The following RHOQ variants were observed in gnomAD, a reference collection of about 807,000 sequenced individuals.
The protein encoded by RHOQ is rho-related GTP-binding protein RhoQ.
RHOQ carries 7 observed loss-of-function variants against 25.8 expected under a neutral mutation model. The ratio of observed to expected loss-of-function variants is 0.27; its 90% CI spans 0.15 to 0.51. The LOEUF (loss-of-function observed/expected upper bound fraction) is 0.51. Among genes scored for constraint, RHOQ ranks in the 20% least tolerant of loss-of-function variants. The pLI is 0.97. For missense variants in RHOQ, 165 were observed against 260.6 expected (o/e 0.63, Z 2.53); for synonymous variants, 97 against 98.6 (o/e 0.98, Z 0.10).
chr2:46,552,220 C>T lies in RHOQ; in HGVS notation c.201+8408C>T, dbSNP rs1232933953. ...AAGACTTCTGCCCCACGTGACGTTA[C>T]GGGTGTTTTGTCACTTTGTCCCTAA... On this transcript the variant is annotated intron_variant, in intron 2 of 4. Transcript: ENST00000238738. The surrounding 1 kb of genome is among the most constrained non-coding windows in gnomAD (Gnocchi z 5.0). 3.3e-5 allele frequency among the ~76,000 whole-genome samples: 5 copies of T among 152,166 alleles called. No individual in the cohort carries two copies. The highest frequency in any genetic ancestry group is 2.0e-4 in the Admixed American group (3 of 15,274).
At chr2:46,559,841 T>C (rs1345282208) in intron 2 of RHOQ, among the ~76,000 whole-genome samples, 1 of 152,144 alleles carries the variant, frequency 6.6e-6, no homozygotes, top group Non-Finnish European at 1.5e-5. Flanking sequence ...TCTTCTACTC[T>C]TCTGCCCGAG....
intron 2 of RHOQ, among the ~76,000 whole-genome samples, chr2:46,546,243 A>G (rs1668039571): frequency 6.6e-6 from 1 of 151,786 alleles, no homozygotes; most frequent in African/African-American, 2.4e-5. Flanking sequence ...TGATGTCAGC[A>G]AAGGGAGAAA....
intron 2 of RHOQ, chr2:46,560,517 C>T (rs935387842): frequency 2.2e-6 from 1 of 454,586 alleles, no homozygotes; most frequent in African/African-American, 2.0e-5. Flanking sequence ...AGTTGCTTGG[C>T]ATACAGGCTT....
intron 4 of RHOQ, among the ~76,000 whole-genome samples, chr2:46,577,736 T>C (rs1222500622): frequency 6.6e-6 from 1 of 151,766 alleles, no homozygotes; most frequent in African/African-American, 2.4e-5. Flanking sequence ...TTTTAAAATG[T>C]AGTATCAGGA....
At chr2:46,547,199 A>G (rs1037040667) in intron 2 of RHOQ, among the ~76,000 whole-genome samples, 1 of 152,210 alleles carries the variant, frequency 6.6e-6, no homozygotes, top group African/African-American at 2.4e-5. Flanking sequence ...ATGTTCACTC[A>G]TGCATGTGGG....
intron 2 of RHOQ, among the ~76,000 whole-genome samples, chr2:46,549,812 C>T (rs548894050): frequency 6.6e-6 from 1 of 152,190 alleles, no homozygotes; most frequent in African/African-American, 2.4e-5. Flanking sequence ...CTGCCCAGTG[C>T]CGGCCAGGAC....
chr2:46,580,721 T>C (rs1214476497), intron 4 of RHOQ: 2 of 404,414 alleles, frequency 4.9e-6, no homozygotes, highest in Non-Finnish European at 8.9e-6. Flanking sequence ...CCAGTAAATA[T>C]GTGGTGAGTG....
Position 46,576,477 on chromosome 2 carries a change from G to C in RHOQ, c.367-84G>C. ...CTTTTGTTTAATCTTTTTTTGGTAT[G>C]TGGGAATTAAGTGGGATTACATGCT... On this transcript the variant is annotated intron_variant, in intron 3 of 4. Transcript: ENST00000238738. This position sits in a 1 kb window ranked among gnomAD's most constrained non-coding sequence, Gnocchi z 5.1. 1 of 920,248 alleles carries C rather than the reference G, an allele frequency of 1.1e-6. No individual in the cohort carries two copies. The highest frequency in any genetic ancestry group is 1.7e-5 in the African/African-American group (1 of 59,320). 57.0% of individuals were successfully genotyped at this position (920,248 alleles called of 1,614,324 possible). A position where few individuals can be genotyped will look rare whatever the true frequency, so the allele number is the denominator to read the frequency against.
Position 46,576,415 on chromosome 2 carries a change from G to C in RHOQ, c.367-146G>C. The C allele has an allele frequency of 1.1e-6, 1 of 896,062 alleles. No individual in the cohort carries two copies. Among genetic ancestry groups the C allele is most frequent in the Admixed American group, 2.9e-5 (1 of 34,390 alleles). The allele number at this position is 896,062 out of a possible 1,614,324, so 55.5% of individuals were successfully genotyped here. A position where few individuals can be genotyped will look rare whatever the true frequency, so the allele number is the denominator to read the frequency against. On this transcript the variant is annotated intron_variant, in intron 3 of 4. Coordinates refer to ENST00000238738, the MANE Select transcript of RHOQ (RefSeq NM_012249.4). The surrounding 1 kb of genome is among the most constrained non-coding windows in gnomAD (Gnocchi z 5.1). ...ATTTTTGGAAAAAATTGTGCCAAAA[G>C]AAAGCAATTATTTTCCTGGTTTTTA...
At position 46,552,670 on chromosome 2, in the gene RHOQ, G is replaced by A. The variant is rs1668278779; in HGVS notation, c.201+8858G>A. On this transcript the variant is annotated intron_variant, in intron 2 of 4. Transcript: ENST00000238738. This position sits in a 1 kb window ranked among gnomAD's most constrained non-coding sequence, Gnocchi z 5.0. ...TCCTGCCTGGCTGCTTCCTGTGGTG[G>A]CTGGCAAGCCTAGAAGAGAACATTC... is the stretch of plus-strand genomic sequence containing the variant. Among the ~76,000 whole-genome samples the A allele has an allele frequency of 6.6e-6, 1 of 152,238 alleles. No homozygotes were observed. Among genetic ancestry groups the A allele is most frequent in the Non-Finnish European group, 1.5e-5 (1 of 68,038 alleles).
intron 2 of RHOQ, among the ~76,000 whole-genome samples, chr2:46,559,830 A>G (rs1668517213): frequency 6.6e-6 from 1 of 152,190 alleles, no homozygotes; most frequent in Non-Finnish European, 1.5e-5. Context: ...CCAGGAAAGA[A>G]TCTTCTACTC....
Position 46,580,951 on chromosome 2 carries a change from A to G in RHOQ, c.486A>G (p.Glu162=), listed in dbSNP as rs1669343096. The change falls in exon 5 of 5, where the codon GAA becomes GAG. Residue 162 remains glutamate, a synonymous_variant. Transcript: ENST00000238738. ...AGATAGGAGCATGCTGCTATGTGGA[A>G]TGTTCAGCTTTAACCCAGAAGGGAT... is the stretch of plus-strand genomic sequence containing the variant. ...AKEIGACCYV[E]CSALTQKGLK... The G allele has an allele frequency of 6.5e-7, 1 of 1,533,040 alleles. No homozygotes were observed. 95.0% of individuals were successfully genotyped at this position (1,533,040 alleles called of 1,614,324 possible). A position where few individuals can be genotyped will look rare whatever the true frequency, so the allele number is the denominator to read the frequency against.
chr2:46,549,353 G>A (rs1668168883), intron 2 of RHOQ, among the ~76,000 whole-genome samples: 1 of 152,178 alleles, frequency 6.6e-6, no homozygotes, highest in African/African-American at 2.4e-5. Context: ...GAGGCCCCAT[G>A]GAGAATTGGG....
At position 46,548,462 on chromosome 2, in the gene RHOQ, T is replaced by C. The variant is rs746528683; in HGVS notation, c.201+4650T>C. Among the ~76,000 whole-genome samples, 40 of 152,190 alleles carry C rather than the reference T, an allele frequency of 2.6e-4. No homozygotes were observed. The highest frequency in any genetic ancestry group is 5.4e-4 in the Non-Finnish European group (37 of 68,028). ...CAGGCAAGTCATCCTCACAACACCCTTCAAGGTAGACTTCTCCCAGATGAG... is the reference window on the plus strand; with the variant it reads ...CAGGCAAGTCATCCTCACAACACCCCTCAAGGTAGACTTCTCCCAGATGAG... On this transcript the variant is annotated intron_variant, in intron 2 of 4. Transcript: ENST00000238738. The surrounding 1 kb of genome is among the most constrained non-coding windows in gnomAD (Gnocchi z 5.2).
In RHOQ at chr2:46,566,335, G is replaced by A. The variant is rs57276082; in HGVS notation, c.202-9752G>A. 5.0e-3 allele frequency among the ~76,000 whole-genome samples: 765 copies of A among 152,214 alleles called. 6 individuals carry two copies. Among genetic ancestry groups the A allele is most frequent in the African/African-American group, 0.018 (736 of 41,512 alleles). On this transcript the variant is annotated intron_variant, in intron 2 of 4. Coordinates refer to ENST00000238738, the MANE Select transcript of RHOQ (RefSeq NM_012249.4). This position sits in a 1 kb window ranked among gnomAD's most constrained non-coding sequence, Gnocchi z 4.2. ...TCTGACCACCTGCTTGACATCTCAA[G>A]CTTAACACGTCCCAAACTGTCCTCT...
At chr2:46,562,596 CAT>C (rs1161057154) in intron 2 of RHOQ, among the ~76,000 whole-genome samples, 2 of 152,058 alleles carry the variant, frequency 1.3e-5, no homozygotes, top group African/African-American at 2.4e-5. Context: ...CTAGTGTAGA[CAT>C]GTGTGCATTA....
rs747846522 is a variant in RHOQ, at chr2:46,543,151, G to A, written c.105G>A (p.Pro35=). ...TGAGCTATGCCAACGACGCCTTCCC[G>A]GAGGAGTACGTGCCCACCGTCTTCG... The part of the protein sequence containing the change: ...LLMSYANDAF[P]EEYVPTVFDH... Residue 35 remains proline (P), a synonymous_variant, in exon 1 of 5, where the codon CCG becomes CCA. Coordinates refer to ENST00000238738, the MANE Select transcript of RHOQ (RefSeq NM_012249.4). The A allele has an allele frequency of 4.3e-6, 7 of 1,612,126 alleles. No homozygotes were observed. The highest frequency in any genetic ancestry group is 2.2e-5 in the East Asian group (1 of 44,712).
chr2:46,571,712 A>G (rs1572752529), intron 2 of RHOQ, among the ~76,000 whole-genome samples: 2 of 152,234 alleles, frequency 1.3e-5, no homozygotes, highest in East Asian at 3.8e-4. Flanking sequence ...AGAGGGCTAT[A>G]GTCTCAATAA....
chr2:46,543,000 G>A lies in RHOQ; in HGVS notation c.-47G>A, dbSNP rs763699415. 1.5e-5 allele frequency: 22 copies of A among 1,424,144 alleles called. No individual in the cohort carries two copies. In the South Asian group the frequency reaches 2.5e-4, roughly 16 times the overall value. 88.2% of individuals were successfully genotyped at this position (1,424,144 alleles called of 1,614,324 possible). The stretch of plus-strand genomic sequence containing the variant: ...GGGCTGGGGCTGAGCCCGGGGCCGG[G>A]GCGGGGGCTCCGGGGGGACCATGCC... On this transcript the variant is annotated 5_prime_UTR_variant, in exon 1 of 5. Coordinates refer to ENST00000238738, the MANE Select transcript of RHOQ (RefSeq NM_012249.4).
Sources: allele counts gnomAD v4.1 joint callset (sites outside exome capture counted in the v4.1 genomes callset), GRCh38; gene constraint gnomAD v4.1.1; non-coding constraint Gnocchi (gnomAD v3.1); transcripts MANE v1.5; gene names NCBI Gene and HGNC (gene_info 2026-07-23, HGNC 2026-07-21).